MOB3B: variants seen among roughly 807,000 people sequenced by gnomAD.
The protein encoded by MOB3B is MOB kinase activator 3B.
In MOB3B, 7 loss-of-function variants were observed where a neutral mutation model predicts 18.7. The ratio of observed to expected loss-of-function variants is 0.37; its 90% CI spans 0.21 to 0.70. The LOEUF is 0.70. MOB3B is among the 30% of genes least tolerant of loss of function. MOB3B has a pLI of 0.52. For missense variants in MOB3B, 253 were observed against 281.3 expected, an observed-to-expected ratio of 0.90 and a Z score of 0.72; for synonymous variants, 111 against 99.9, an observed-to-expected ratio of 1.11 and a Z score of -0.66.
chr9:27,492,148 GA>G (rs890578207), intron 1 of MOB3B, among the ~76,000 whole-genome samples: 11 of 152,292 alleles, frequency 7.2e-5, no homozygotes, highest in Non-Finnish European at 1.3e-4. Context: ...CTGTTTGTAT[GA>G]GGAAGGAGAA....
rs370910650 is a variant in MOB3B at position 27,518,464 on chromosome 9, A to G, written c.-199+11091T>C. ...GGCTCAAAAGGACCCAGGGAAATCAACACTGAAATGAGGATATGGATGGAG... is the reference window on the plus strand; with the variant it reads ...GGCTCAAAAGGACCCAGGGAAATCAGCACTGAAATGAGGATATGGATGGAG... On this transcript the variant is annotated intron_variant, in intron 1 of 3. Transcript: ENST00000262244. Among the ~76,000 whole-genome samples the G allele has an allele frequency of 3.3e-5, 5 of 152,234 alleles. No individual in the cohort carries two copies. In the East Asian group the frequency reaches 7.7e-4, roughly 23 times the overall value.
At chr9:27,333,199 G>A (rs549487479) in intron 3 of MOB3B, among the ~76,000 whole-genome samples, 28 of 152,192 alleles carry the variant, frequency 1.8e-4, no homozygotes, top group Non-Finnish European at 3.8e-4. Context: ...ACTGTTTCCT[G>A]GGATGCCTCT....
Position 27,436,086 on chromosome 9 carries a change from C to A in MOB3B, c.418+19047G>T, listed in dbSNP as rs147211831. ...TCTACCCCGCTACCCAGACCCCGTACCACCATCCTATCCTTTCTACCTTGC... is the reference window on the plus strand; with the variant it reads ...TCTACCCCGCTACCCAGACCCCGTAACACCATCCTATCCTTTCTACCTTGC... On this transcript the variant is annotated intron_variant, in intron 2 of 3. Coordinates refer to ENST00000262244, the MANE Select transcript of MOB3B (RefSeq NM_024761.5). Among the ~76,000 whole-genome samples, 939 of 152,294 alleles carry A rather than the reference C, an allele frequency of 6.2e-3. 7 individuals are homozygous for A. Among genetic ancestry groups the A allele is most frequent in the Non-Finnish European group, 0.011 (715 of 68,022 alleles).
intron 2 of MOB3B, among the ~76,000 whole-genome samples, chr9:27,398,308 T>G (rs11791484): frequency 2.0e-5 from 3 of 152,262 alleles, no homozygotes; most frequent in Admixed American, 2.0e-4. Flanking sequence ...ACATTTGCTC[T>G]GGAGGATTTT....
intron 1 of MOB3B, among the ~76,000 whole-genome samples, chr9:27,518,556 C>T (rs1820275108): frequency 6.6e-6 from 1 of 152,184 alleles, no homozygotes; most frequent in South Asian, 2.1e-4. Context: ...TACTGAGATA[C>T]TTATTCCATC....
chr9:27,342,808 G>C (rs369644218), intron 3 of MOB3B, among the ~76,000 whole-genome samples: 1 of 151,526 alleles, frequency 6.6e-6, no homozygotes, highest in African/African-American at 2.4e-5. Flanking sequence ...CCTGATCTCC[G>C]CTCGCTACAA....
At chr9:27,526,098 T>G (rs1191297152) in intron 1 of MOB3B, 1 of 152,248 alleles carries the variant, frequency 6.6e-6, no homozygotes, top group Non-Finnish European at 1.5e-5. Flanking sequence ...TACCTGGTTC[T>G]GCCCTTGGAA....
Position 27,511,490 on chromosome 9 carries a change from T to C in MOB3B, c.-199+18065A>G, listed in dbSNP as rs112611050. Among the ~76,000 whole-genome samples the C allele has an allele frequency of 9.4e-3, 1,439 of 152,312 alleles. 24 individuals are homozygous for C. The highest frequency in any genetic ancestry group is 0.032 in the African/African-American group (1,349 of 41,572). ...CCAGTTCAGCATCAGCTGCGGATGT[T>C]GGCTCCTGTGAGAAAGAAGCTCCAT... On this transcript the variant is annotated intron_variant, in intron 1 of 3. Transcript: ENST00000262244.
intron 2 of MOB3B, 42 bp downstream of exon 2, chr9:27,455,091 T>C: frequency 6.2e-7 from 1 of 1,610,154 alleles, no homozygotes; most frequent in South Asian, 1.1e-5. Flanking sequence ...TAGTGAAGAT[T>C]GTGCAGGTGA....
chr9:27,490,108 T>TGATG (rs1819793599), intron 1 of MOB3B, among the ~76,000 whole-genome samples: 3 of 152,258 alleles, frequency 2.0e-5, no homozygotes, highest in African/African-American at 7.2e-5. Context: ...TGGCTGGGCC[T>TGATG]CTTGTTCGAG....
At chr9:27,450,191 G>GA in intron 2 of MOB3B, among the ~76,000 whole-genome samples, 1 of 152,160 alleles carries the variant, frequency 6.6e-6, no homozygotes, top group South Asian at 2.1e-4. Flanking sequence ...CAATGCACTT[G>GA]ACCACTGAAC....
At chr9:27,446,479 C>G (rs1288389748) in intron 2 of MOB3B, among the ~76,000 whole-genome samples, 6 of 152,166 alleles carry the variant, frequency 3.9e-5, no homozygotes, top group Non-Finnish European at 8.8e-5. Context: ...CAATCTCATC[C>G]CATGAATGTC....
In MOB3B at chr9:27,359,189, A is replaced by G; in HGVS notation, c.466T>C (p.Cys156Arg). ...NFLQICKKILCRLFRVFVHVY... is the reference protein window; with the variant it reads ...NFLQICKKILRRLFRVFVHVY... The stretch of plus-strand genomic sequence containing the variant: ...TGGACAAAGACCCGGAAAAGGCGGC[A>G]CAGGATCTTCTTGCAGATCTGAAGG... Residue 156 changes from cysteine to arginine, a missense_variant, in exon 3 of 4, where the codon TGC (cysteine) becomes CGC (arginine). Physicochemically the swap from Cys to Arg is radical, Grantham distance 180 (BLOSUM62 -3). Transcript: ENST00000262244. 1 of 1,614,220 alleles carries G rather than the reference A, an allele frequency of 6.2e-7. No homozygotes were observed. The highest frequency in any genetic ancestry group is 8.5e-7 in the Non-Finnish European group (1 of 1,180,042).
chr9:27,342,612 G>GC (rs1398819645), intron 3 of MOB3B, among the ~76,000 whole-genome samples: 1 of 152,094 alleles, frequency 6.6e-6, no homozygotes, highest in African/African-American at 2.4e-5. Flanking sequence ...GATTGCAGGC[G>GC]CGCGCCGCCA....
intron 2 of MOB3B, among the ~76,000 whole-genome samples, chr9:27,380,245 G>A (rs1017247516): frequency 6.0e-5 from 9 of 149,792 alleles, no homozygotes; most frequent in Admixed American, 1.3e-4. Flanking sequence ...GGGGCCAAGT[G>A]CAGAAAAAGA....
intron 2 of MOB3B, among the ~76,000 whole-genome samples, chr9:27,406,497 G>C (rs1821980158): frequency 6.6e-6 from 1 of 152,142 alleles, no homozygotes. Flanking sequence ...ATGCTACAAA[G>C]CTACAGTAAT....
chr9:27,460,049 A>C (rs1267644802), intron 1 of MOB3B, among the ~76,000 whole-genome samples: 1 of 152,238 alleles, frequency 6.6e-6, no homozygotes, highest in African/African-American at 2.4e-5. Context: ...TGTCAGACAC[A>C]GGGCTAGGCA....
At chr9:27,393,809 G>A (rs987857167) in intron 2 of MOB3B, among the ~76,000 whole-genome samples, 8 of 152,094 alleles carry the variant, frequency 5.3e-5, no homozygotes, top group Non-Finnish European at 1.0e-4. Flanking sequence ...AATGGCAGAT[G>A]CAGGATTTGA....
At chr9:27,366,075 T>A (rs901179577) in intron 2 of MOB3B, among the ~76,000 whole-genome samples, 2 of 151,656 alleles carry the variant, frequency 1.3e-5, no homozygotes, top group Admixed American at 1.3e-4. Context: ...GGGTGGAGAG[T>A]AAGGAGAGTG....
Sources: gnomAD v4.1 joint callset for allele counts (sites outside exome capture counted in the v4.1 genomes callset) on GRCh38, gnomAD v4.1.1 for gene constraint, MANE v1.5 for transcripts, NCBI Gene and HGNC (gene_info 2026-07-23, HGNC 2026-07-21) for gene names.